The following ADAM12 variants were observed in gnomAD, a reference collection of about 807,000 sequenced individuals.
The protein encoded by ADAM12 is ADAM metallopeptidase domain 12, also known as disintegrin and metalloproteinase domain-containing protein 12.
ADAM12 carries 70 observed loss-of-function variants against 106.4 expected under a neutral mutation model. That is an observed-to-expected ratio of 0.66 (90% CI 0.54 to 0.80). ADAM12 has a LOEUF of 0.80. ADAM12 is among the 30% of genes least tolerant of loss of function. The pLI, the probability that ADAM12 is intolerant of heterozygous loss-of-function variation, is 0.00. For synonymous variants in ADAM12, 420 were observed against 433.5 expected, an observed-to-expected ratio of 0.97 and a Z score of 0.39; for missense variants, 1,010 against 1,171.9, an observed-to-expected ratio of 0.86 and a Z score of 2.02.
At chr10:126,127,381 TA>T (rs1956223285) in intron 5 of ADAM12, among the ~76,000 whole-genome samples, 1 of 152,202 alleles carries the variant, frequency 6.6e-6, no homozygotes, top group African/African-American at 2.4e-5. Context: ...AAATAGTTTT[TA>T]AAAAGTGGAT....
chr10:126,329,674 C>T (rs1236956194), intron 2 of ADAM12, among the ~76,000 whole-genome samples: 2 of 152,180 alleles, frequency 1.3e-5, no homozygotes, highest in East Asian at 3.8e-4. Context: ...AGGTGGCCCA[C>T]TGCAACCATT....
At chr10:126,017,714 G>A (rs1469032142) in intron 22 of ADAM12, among the ~76,000 whole-genome samples, 2 of 152,166 alleles carry the variant, frequency 1.3e-5, no homozygotes, top group Non-Finnish European at 2.9e-5. Context: ...ACATTTTAGG[G>A]TACTAAGTCT....
At chr10:126,172,906 A>G (rs1590556671) in intron 3 of ADAM12, among the ~76,000 whole-genome samples, 1 of 152,218 alleles carries the variant, frequency 6.6e-6, no homozygotes, top group South Asian at 2.1e-4. Context: ...GCACATATAC[A>G]CCATGGAATA....
In ADAM12 at chr10:126,268,632, G is replaced by C. The variant is rs372149736; in HGVS notation, c.260+10283C>G. Among the ~76,000 whole-genome samples the C allele has an allele frequency of 3.9e-5, 6 of 152,288 alleles. No homozygotes were observed. In the East Asian group the frequency reaches 5.8e-4, roughly 15 times the overall value. On this transcript the variant is annotated intron_variant, in intron 3 of 22. Coordinates refer to ENST00000448723, the MANE Select transcript of ADAM12 (RefSeq NM_001288973.2). Reference sequence around the variant, plus strand: ...ATAGAAGTAAGAAACCAGTAAGAAGGCCTCAAGAAAACAGAGCTGTGACTA... The same window carrying C: ...ATAGAAGTAAGAAACCAGTAAGAAGCCCTCAAGAAAACAGAGCTGTGACTA...
At chr10:126,162,467 A>C (rs983151865) in intron 3 of ADAM12, among the ~76,000 whole-genome samples, 10 of 152,180 alleles carry the variant, frequency 6.6e-5, no homozygotes, top group Non-Finnish European at 1.3e-4. Flanking sequence ...GCTGCTGCTG[A>C]GACAGGCAGG....
At chr10:126,047,270 C>G (rs1954352261) in intron 16 of ADAM12, among the ~76,000 whole-genome samples, 1 of 152,126 alleles carries the variant, frequency 6.6e-6, no homozygotes, top group Non-Finnish European at 1.5e-5. Context: ...CCATCCGACC[C>G]CAACAGCTCA....
intron 11 of ADAM12, among the ~76,000 whole-genome samples, chr10:126,073,276 T>C (rs778934218): frequency 6.6e-6 from 1 of 152,122 alleles, no homozygotes; most frequent in Non-Finnish European, 1.5e-5. Flanking sequence ...TTAGTAGAGA[T>C]GGGGTTTCAC....
chr10:126,101,599 T>A (rs574783549), intron 8 of ADAM12, among the ~76,000 whole-genome samples: 73 of 152,204 alleles, frequency 4.8e-4, no homozygotes, highest in Non-Finnish European at 7.5e-4. Context: ...CCACTGCAAG[T>A]GAAACAATAA....
At chr10:126,033,546 G>T (rs1954006355) in intron 21 of ADAM12, among the ~76,000 whole-genome samples, 1 of 152,148 alleles carries the variant, frequency 6.6e-6, no homozygotes, top group Admixed American at 6.5e-5. Context: ...GGAAAAGCCT[G>T]CTATCTTGAG....
At chr10:126,364,138 ACTT>A (rs1855832254) in intron 1 of ADAM12, among the ~76,000 whole-genome samples, 1 of 151,994 alleles carries the variant, frequency 6.6e-6, no homozygotes, top group Non-Finnish European at 1.5e-5. Context: ...AGTATCCAAT[ACTT>A]TTTTTTTTAA....
At chr10:126,319,400 A>G (rs969343765) in intron 2 of ADAM12, among the ~76,000 whole-genome samples, 1 of 152,164 alleles carries the variant, frequency 6.6e-6, no homozygotes, top group African/African-American at 2.4e-5. Flanking sequence ...TGTCCCCTTG[A>G]TATGGTGTAA....
intron 5 of ADAM12, among the ~76,000 whole-genome samples, chr10:126,132,934 A>T (rs1956334475): frequency 1.3e-5 from 2 of 151,976 alleles, no homozygotes; most frequent in African/African-American, 2.4e-5. Context: ...TTTCCATGAA[A>T]ACTGGCCCCT....
intron 3 of ADAM12, among the ~76,000 whole-genome samples, chr10:126,256,049 C>CTT (rs1958886270): frequency 1.3e-5 from 2 of 152,164 alleles, no homozygotes; most frequent in Non-Finnish European, 2.9e-5. Context: ...AAGTCTGCCA[C>CTT]GGTGGTGCTC....
At chr10:126,161,050 T>C (rs567828447) in intron 3 of ADAM12, among the ~76,000 whole-genome samples, 1 of 152,338 alleles carries the variant, frequency 6.6e-6, no homozygotes, top group Admixed American at 6.5e-5. Context: ...TTAGCCCCCA[T>C]CGCAGTCCTC....
chr10:126,312,191 G>A (rs1371420861), intron 2 of ADAM12, among the ~76,000 whole-genome samples: 1 of 148,880 alleles, frequency 6.7e-6, no homozygotes, highest in East Asian at 2.0e-4. Flanking sequence ...TAAGCGTCAA[G>A]ACCACGGTTT....
intron 1 of ADAM12, among the ~76,000 whole-genome samples, chr10:126,374,293 T>C (rs962666271): frequency 2.0e-5 from 3 of 151,982 alleles, no homozygotes; most frequent in Non-Finnish European, 4.4e-5. Flanking sequence ...AGGGTAGCAG[T>C]GGAGGGAAAA....
chr10:126,250,791 C>G (rs1488834742), intron 3 of ADAM12, among the ~76,000 whole-genome samples: 2 of 152,166 alleles, frequency 1.3e-5, no homozygotes, highest in African/African-American at 2.4e-5. Context: ...ATTTCACAAC[C>G]AGGATATTGA....
chr10:126,119,898 C>T (rs747238383), intron 5 of ADAM12, among the ~76,000 whole-genome samples: 1 of 152,168 alleles, frequency 6.6e-6, no homozygotes, highest in South Asian at 2.1e-4. Context: ...CAGTGAAGTG[C>T]TTTAATTTAA....
chr10:126,020,202 C>T (rs1435932784), intron 21 of ADAM12, among the ~76,000 whole-genome samples: 1 of 152,128 alleles, frequency 6.6e-6, no homozygotes, highest in Non-Finnish European at 1.5e-5. Context: ...ACATCACATT[C>T]GTTTCTTCAG....
Sources: allele counts gnomAD v4.1 joint callset (sites outside exome capture counted in the v4.1 genomes callset), GRCh38; gene constraint gnomAD v4.1.1; transcripts MANE v1.5; gene names NCBI Gene and HGNC (gene_info 2026-07-23, HGNC 2026-07-21).